Variants in NRG3 observed in about 807,000 individuals in gnomAD.
NRG3 encodes pro-neuregulin-3, membrane-bound isoform.
Under a neutral mutation model 66.9 loss-of-function variants are expected in NRG3, and 31 were observed. That is an observed-to-expected ratio of 0.46 (90% CI 0.35 to 0.63). The LOEUF (loss-of-function observed/expected upper bound fraction) is 0.63. Ranked by LOEUF, NRG3 falls within the 20% of genes least tolerant of loss-of-function variation. NRG3 has a pLI of 0.00. For synonymous variants in NRG3, 393 were observed against 359.4 expected (o/e 1.09, Z -1.06); for missense variants, 910 against 878.9 (o/e 1.04, Z -0.45).
Position 82,971,764 on chromosome 10 carries a change from G to A in NRG3, c.1285-2024G>A, listed in dbSNP as rs572691635. Among the ~76,000 whole-genome samples, 2 of 152,250 alleles carry A rather than the reference G, an allele frequency of 1.3e-5. 1 individual carries two copies. The highest frequency in any genetic ancestry group is 4.1e-4 in the South Asian group (2 of 4,822). The stretch of plus-strand genomic sequence containing the variant: ...AGAAAGCCTTTCATAGTGAAGCTTT[G>A]TTGTTAGGTAGATAAAAATTTATGA... On this transcript the variant is annotated intron_variant, in intron 6 of 8. Coordinates refer to ENST00000372141, the MANE Select transcript of NRG3 (RefSeq NM_001010848.4).
intron 1 of NRG3, among the ~76,000 whole-genome samples, chr10:82,184,583 AT>A (rs1386598192): frequency 2.0e-5 from 3 of 152,076 alleles, no homozygotes; most frequent in Admixed American, 2.0e-4. Context: ...AAAGAAACAC[AT>A]TTCTTGTTAT....
intron 2 of NRG3, among the ~76,000 whole-genome samples, chr10:82,710,009 T>C (rs2056560071): frequency 6.6e-6 from 1 of 152,242 alleles, no homozygotes; most frequent in Non-Finnish European, 1.5e-5. Flanking sequence ...GTCCATTCAC[T>C]TTTATTGCAG....
chr10:82,018,510 A>G (rs2132714176), intron 1 of NRG3, among the ~76,000 whole-genome samples: 1 of 152,290 alleles, frequency 6.6e-6, no homozygotes, highest in Admixed American at 6.5e-5. Flanking sequence ...CATCGAATCT[A>G]TAAATTACCT....
intron 1 of NRG3, among the ~76,000 whole-genome samples, chr10:82,047,282 C>G (rs542382028): frequency 2.8e-4 from 43 of 152,050 alleles, no homozygotes; most frequent in African/African-American, 1.0e-3. Flanking sequence ...AAGAGCAACT[C>G]CAAGACACAT....
At chr10:82,154,963 G>T (rs149162428) in intron 1 of NRG3, among the ~76,000 whole-genome samples, 1 of 151,644 alleles carries the variant, frequency 6.6e-6, no homozygotes, top group East Asian at 1.9e-4. Flanking sequence ...ACACTTTAGG[G>T]TTTCTTCTAT....
intron 6 of NRG3, among the ~76,000 whole-genome samples, chr10:82,970,229 T>C (rs1272229114): frequency 6.6e-6 from 1 of 152,266 alleles, no homozygotes; most frequent in Non-Finnish European, 1.5e-5. Flanking sequence ...ATTGTCAATT[T>C]GCTCTTCAAG....
At chr10:82,110,782 G>A (rs1033728586) in intron 1 of NRG3, among the ~76,000 whole-genome samples, 1 of 152,052 alleles carries the variant, frequency 6.6e-6, no homozygotes, top group Non-Finnish European at 1.5e-5. Context: ...CCCAGTGGAG[G>A]TATCAAAAGG....
intron 2 of NRG3, among the ~76,000 whole-genome samples, chr10:82,400,473 C>T (rs543000927): frequency 6.6e-6 from 1 of 152,090 alleles, no homozygotes; most frequent in South Asian, 2.1e-4. Context: ...CTGTTTTTAA[C>T]AAGCTTCAGA....
At chr10:82,772,019 C>T (rs1431519227) in intron 3 of NRG3, among the ~76,000 whole-genome samples, 1 of 152,126 alleles carries the variant, frequency 6.6e-6, no homozygotes, top group Non-Finnish European at 1.5e-5. Context: ...CTCTACCATC[C>T]TTCCACATGG....
chr10:82,331,362 G>T (rs754458360), intron 1 of NRG3, among the ~76,000 whole-genome samples: 1 of 152,150 alleles, frequency 6.6e-6, no homozygotes, highest in Non-Finnish European at 1.5e-5. Flanking sequence ...AAAGGCTTTG[G>T]TTCTGTGATA....
At chr10:82,919,695 A>C (rs1033752038) in intron 4 of NRG3, among the ~76,000 whole-genome samples, 2 of 152,180 alleles carry the variant, frequency 1.3e-5, no homozygotes, top group Non-Finnish European at 2.9e-5. Flanking sequence ...GGCTAACACA[A>C]ATGTAGATCA....
rs1189992487 is a variant in NRG3 at position 82,897,324 on chromosome 10, G to A, written c.1054+31887G>A. On this transcript the variant is annotated intron_variant, in intron 4 of 8. Transcript: ENST00000372141. Reference sequence around the variant, plus strand: ...ATTTTCAGTACAAGTAAGTTTAAATGCTAAATGAGATGAGATGGTTAAATG... The same window carrying A: ...ATTTTCAGTACAAGTAAGTTTAAATACTAAATGAGATGAGATGGTTAAATG... Among the ~76,000 whole-genome samples the A allele has an allele frequency of 2.0e-5, 3 of 152,266 alleles. No homozygotes were observed. In the East Asian group the frequency reaches 5.8e-4, roughly 29 times the overall value.
chr10:81,983,695 C>A (rs975987109), intron 1 of NRG3, among the ~76,000 whole-genome samples: 11 of 152,118 alleles, frequency 7.2e-5, no homozygotes, highest in African/African-American at 2.7e-4. Flanking sequence ...ATTTTTTCCT[C>A]TTGTAGAAAT....
chr10:82,171,216 G>T (rs1053342349), intron 1 of NRG3, among the ~76,000 whole-genome samples: 12 of 151,950 alleles, frequency 7.9e-5, no homozygotes, highest in African/African-American at 2.9e-4. Flanking sequence ...AAGTAGAGAC[G>T]CATCAAATCA....
At chr10:82,841,145 G>T (rs73309169) in intron 3 of NRG3, among the ~76,000 whole-genome samples, 7,474 of 152,156 alleles carry the variant, frequency 0.049, 244 homozygotes, top group African/African-American at 0.093. Flanking sequence ...AAAAGCCCAG[G>T]AACACAAAGG....
intron 1 of NRG3, among the ~76,000 whole-genome samples, chr10:82,109,256 G>A (rs1029913783): frequency 1.3e-5 from 2 of 152,280 alleles, no homozygotes; most frequent in East Asian, 3.9e-4. Context: ...AGGGAGCAAG[G>A]TTGAGCTACA....
intron 2 of NRG3, among the ~76,000 whole-genome samples, chr10:82,429,886 C>G (rs945600318): frequency 5.9e-5 from 9 of 152,136 alleles, no homozygotes; most frequent in African/African-American, 1.7e-4. Context: ...GTTCATTATT[C>G]TGACAGTTGA....
intron 2 of NRG3, among the ~76,000 whole-genome samples, chr10:82,649,309 C>T (rs2051219525): frequency 6.6e-6 from 1 of 152,108 alleles, no homozygotes. Context: ...AGAATATTTA[C>T]ATATAAACAG....
At chr10:82,983,743 G>T (rs2132692461) in intron 8 of NRG3, among the ~76,000 whole-genome samples, 1 of 152,320 alleles carries the variant, frequency 6.6e-6, no homozygotes, top group South Asian at 2.1e-4. Flanking sequence ...TTGTTATTAA[G>T]TCTGAAAATA....
Sources: gnomAD v4.1 joint callset for allele counts (sites outside exome capture counted in the v4.1 genomes callset) on GRCh38, gnomAD v4.1.1 for gene constraint, MANE v1.5 for transcripts, NCBI Gene and HGNC (gene_info 2026-07-23, HGNC 2026-07-21) for gene names.